The following GTF2F2 variants were observed in gnomAD, a reference collection of about 807,000 sequenced individuals.
The protein encoded by GTF2F2 is ATP-dependent helicase GTF2F2.
GTF2F2 carries 23 observed loss-of-function variants against 42.2 expected under a neutral mutation model. The observed-to-expected ratio is 0.55, with a 90% CI of 0.39 to 0.77. The LOEUF is 0.77. Among genes scored for constraint, GTF2F2 ranks in the 30% least tolerant of loss-of-function variants. The pLI is 0.00. For synonymous variants in GTF2F2, 105 were observed against 100.8 expected (o/e 1.04, Z -0.25); for missense variants, 261 against 287.2 (o/e 0.91, Z 0.66).
intron 6 of GTF2F2, among the ~76,000 whole-genome samples, chr13:45,266,733 T>A (rs923696299): frequency 6.6e-6 from 1 of 152,202 alleles, no homozygotes; most frequent in Admixed American, 6.5e-5. Context: ...ACTGGAATTA[T>A]TACTAACTTA....
At chr13:45,203,351 C>T (rs1229370735) in intron 4 of GTF2F2, among the ~76,000 whole-genome samples, 2 of 151,346 alleles carry the variant, frequency 1.3e-5, no homozygotes, top group African/African-American at 4.9e-5. Context: ...TCCCAAAGTT[C>T]TGGGATTACA....
chr13:45,240,131 T>TCC (rs1875212770), intron 5 of GTF2F2, among the ~76,000 whole-genome samples: 1 of 137,226 alleles, frequency 7.3e-6, no homozygotes, highest in Non-Finnish European at 1.6e-5. Flanking sequence ...TTTTTTTAGT[T>TCC]CTTAGCCTGA....
At chr13:45,169,142 ACTGTGCCCGCCC>A (rs1871469673) in intron 4 of GTF2F2, among the ~76,000 whole-genome samples, 3 of 151,930 alleles carry the variant, frequency 2.0e-5, no homozygotes, top group Non-Finnish European at 4.4e-5. Context: ...GGCGTGAGCC[ACTGTGCCCGCCC>A]CTGCTCCAAA....
At chr13:45,233,075 CT>C (rs1367911667) in intron 5 of GTF2F2, among the ~76,000 whole-genome samples, 2 of 152,142 alleles carry the variant, frequency 1.3e-5, no homozygotes, top group African/African-American at 2.4e-5. Context: ...ATATTTTAAG[CT>C]CTACCTTGTA....
At chr13:45,170,183 CCAG>C (rs1390229249) in intron 4 of GTF2F2, among the ~76,000 whole-genome samples, 4 of 152,120 alleles carry the variant, frequency 2.6e-5, no homozygotes, top group African/African-American at 7.2e-5. Context: ...ACCACCACAC[CCAG>C]CTAATTTTTT....
chr13:45,182,823 G>C (rs946356098), intron 4 of GTF2F2, among the ~76,000 whole-genome samples: 1 of 152,076 alleles, frequency 6.6e-6, no homozygotes, highest in Non-Finnish European at 1.5e-5. Flanking sequence ...TTCTTTCCTG[G>C]TTATCCCTCA....
chr13:45,194,602 G>C, intron 4 of GTF2F2: 2 of 1,567,570 alleles, frequency 1.3e-6, no homozygotes, highest in South Asian at 2.4e-5. Context: ...GTTCTTCTTG[G>C]CTTTGAGATT....
intron 1 of GTF2F2, among the ~76,000 whole-genome samples, chr13:45,129,610 C>T (rs1019670755): frequency 6.6e-6 from 1 of 152,148 alleles, no homozygotes; most frequent in African/African-American, 2.4e-5. Context: ...CCAGTATTGA[C>T]CATCATTGCT....
In GTF2F2 at chr13:45,283,683, C is replaced by A; in HGVS notation, c.*122C>A. 1.4e-6 allele frequency: 1 copy of A among 737,586 alleles called. No individual in the cohort carries two copies. The highest frequency in any genetic ancestry group is 1.9e-6 in the Non-Finnish European group (1 of 516,308). 45.7% of individuals were successfully genotyped at this position (737,586 alleles called of 1,614,324 possible). On this transcript the variant is annotated 3_prime_UTR_variant, in exon 8 of 8. Coordinates refer to ENST00000340473, the MANE Select transcript of GTF2F2 (RefSeq NM_004128.3). ...GTTAAGTGACAGTACTTTGATTTCT[C>A]TCGGTAAATTTTTTAAACCTGTAAT...
At chr13:45,163,385 A>G (rs1398596100) in intron 4 of GTF2F2, among the ~76,000 whole-genome samples, 5 of 152,122 alleles carry the variant, frequency 3.3e-5, no homozygotes, top group Admixed American at 1.3e-4. Context: ...AAATAAAAAA[A>G]ATTAGCCAGG....
At chr13:45,231,253 G>A (rs997075124) in intron 5 of GTF2F2, among the ~76,000 whole-genome samples, 2 of 151,950 alleles carry the variant, frequency 1.3e-5, no homozygotes, top group Non-Finnish European at 2.9e-5. Context: ...GACTACAGGC[G>A]TATGCTACCA....
intron 5 of GTF2F2, among the ~76,000 whole-genome samples, chr13:45,245,203 A>G (rs1355797791): frequency 1.3e-5 from 2 of 152,234 alleles, no homozygotes; most frequent in African/African-American, 2.4e-5. Flanking sequence ...GGTGAATCCC[A>G]TAGGAAACAG....
chr13:45,223,338 G>A (rs757552576), intron 5 of GTF2F2, among the ~76,000 whole-genome samples: 2 of 150,048 alleles, frequency 1.3e-5, no homozygotes, highest in Non-Finnish European at 3.0e-5. Flanking sequence ...AACAAAACAC[G>A]TGCGCATGCG....
intron 7 of GTF2F2, among the ~76,000 whole-genome samples, chr13:45,272,428 A>AC (rs1876831879): frequency 7.0e-6 from 1 of 142,624 alleles, no homozygotes; most frequent in African/African-American, 2.8e-5. Context: ...GCTCTTTAAA[A>AC]AAAAAAAAAA....
chr13:45,220,253 C>T (rs1258051829), intron 5 of GTF2F2, among the ~76,000 whole-genome samples: 1 of 152,152 alleles, frequency 6.6e-6, no homozygotes, highest in South Asian at 2.1e-4. Context: ...GCTTTTGTTA[C>T]TTCCCTATAT....
chr13:45,126,722 A>G (rs1869025810), intron 1 of GTF2F2, among the ~76,000 whole-genome samples: 2 of 152,252 alleles, frequency 1.3e-5, no homozygotes, highest in South Asian at 4.1e-4. Flanking sequence ...GACAGACATC[A>G]GTCAAATATT....
intron 1 of GTF2F2, among the ~76,000 whole-genome samples, chr13:45,124,514 T>G (rs1249673789): frequency 6.6e-6 from 1 of 151,422 alleles, no homozygotes; most frequent in Non-Finnish European, 1.5e-5. Context: ...CTGACCACCA[T>G]GCCCAGCTAA....
At chr13:45,208,658 A>T (rs990540122) in intron 5 of GTF2F2, among the ~76,000 whole-genome samples, 1 of 152,186 alleles carries the variant, frequency 6.6e-6, no homozygotes, top group Non-Finnish European at 1.5e-5. Context: ...ATAAGAGGCC[A>T]GTTGAGCTGG....
At chr13:45,222,734 A>T (rs2138206492) in intron 5 of GTF2F2, among the ~76,000 whole-genome samples, 1 of 152,352 alleles carries the variant, frequency 6.6e-6, no homozygotes, top group South Asian at 2.1e-4. Flanking sequence ...GATGAATAAG[A>T]CATTTTTCCT....
Sources: allele counts gnomAD v4.1 joint callset (sites outside exome capture counted in the v4.1 genomes callset), GRCh38; gene constraint gnomAD v4.1.1; transcripts MANE v1.5; gene names NCBI Gene and HGNC (gene_info 2026-07-23, HGNC 2026-07-21).